The following TLK2 variants were observed in gnomAD, a reference collection of about 807,000 sequenced individuals.
The protein encoded by TLK2 is tousled like kinase 2, also known as serine/threonine-protein kinase tousled-like 2.
In TLK2, 6 loss-of-function variants were observed where a neutral mutation model predicts 117.3. That is an observed-to-expected ratio of 0.05 (90% CI 0.03 to 0.10). TLK2 has a LOEUF of 0.10. Among genes scored for constraint, TLK2 ranks in the 10% least tolerant of loss-of-function variants. The pLI, the probability that TLK2 is intolerant of heterozygous loss-of-function variation, is 1.00. For synonymous variants in TLK2, 257 were observed against 316.7 expected, an observed-to-expected ratio of 0.81 and a Z score of 2.00; for missense variants, 299 against 901.2, an observed-to-expected ratio of 0.33 and a Z score of 8.56.
intron 15 of TLK2, among the ~76,000 whole-genome samples, chr17:62,582,213 T>C (rs1162741024): frequency 1.3e-5 from 2 of 152,150 alleles, no homozygotes; most frequent in Non-Finnish European, 2.9e-5. Context: ...TTTTGGTAAT[T>C]TAATTTTTCT....
At chr17:62,482,350 G>T (rs1299880981) in intron 2 of TLK2, among the ~76,000 whole-genome samples, 1 of 126,954 alleles carries the variant, frequency 7.9e-6, no homozygotes, top group East Asian at 2.3e-4. Context: ...GCTTTAGTTA[G>T]TAGCTTCTCC....
chr17:62,514,823 C>T (rs759684374), intron 2 of TLK2, among the ~76,000 whole-genome samples: 15 of 152,146 alleles, frequency 9.9e-5, no homozygotes, highest in Non-Finnish European at 1.9e-4. Flanking sequence ...ACGTGATCCA[C>T]CTGCCTCAGC....
intron 2 of TLK2, among the ~76,000 whole-genome samples, chr17:62,489,169 T>TCG (rs1156596966): frequency 1.9e-5 from 2 of 105,510 alleles, no homozygotes. Flanking sequence ...CTGTATTTAA[T>TCG]TGTACGTGTG....
chr17:62,566,504 T>A (rs906967692), intron 11 of TLK2, among the ~76,000 whole-genome samples: 1 of 152,198 alleles, frequency 6.6e-6, no homozygotes, highest in Non-Finnish European at 1.5e-5. Flanking sequence ...TTTTGGTGTG[T>A]GAAGAGGCTT....
chr17:62,481,354 G>C, intron 2 of TLK2, 148 bp downstream of exon 2: 1 of 757,744 alleles, frequency 1.3e-6, no homozygotes, highest in Non-Finnish European at 2.2e-6. Context: ...AGATCCTACT[G>C]GTCATTCCAG....
At chr17:62,487,362 GC>G (rs1304911383) in intron 2 of TLK2, among the ~76,000 whole-genome samples, 1 of 150,718 alleles carries the variant, frequency 6.6e-6, no homozygotes, top group East Asian at 2.0e-4. Flanking sequence ...TAAGTTAACC[GC>G]CCTAGAAAGA....
intron 2 of TLK2, among the ~76,000 whole-genome samples, chr17:62,501,392 A>G (rs1216714259): frequency 1.3e-5 from 2 of 152,116 alleles, no homozygotes; most frequent in Non-Finnish European, 2.9e-5. Flanking sequence ...CTTAATAGAA[A>G]GAGAAATCTA....
intron 19 of TLK2, 164 bp from the exon 20 acceptor site, chr17:62,605,966 C>T (rs2083264311): frequency 3.0e-6 from 1 of 331,282 alleles, no homozygotes; most frequent in East Asian, 4.8e-5. Flanking sequence ...ATGATCACGC[C>T]ACTGTACTCA....
intron 15 of TLK2, among the ~76,000 whole-genome samples, chr17:62,581,420 G>A (rs2081211123): frequency 6.7e-6 from 1 of 150,068 alleles, no homozygotes; most frequent in African/African-American, 2.5e-5. Context: ...TACTCTACTG[G>A]TTTTGATATT....
At chr17:62,595,112 C>A (rs993505108) in intron 16 of TLK2, among the ~76,000 whole-genome samples, 6 of 152,016 alleles carry the variant, frequency 3.9e-5, no homozygotes, top group African/African-American at 1.4e-4. Context: ...CAGGTGGCCA[C>A]CACCACGGCC....
At chr17:62,586,055 T>C (rs999592673) in intron 15 of TLK2, 80 bp from the exon 16 acceptor site, 15 of 1,035,590 alleles carry the variant, frequency 1.4e-5, no homozygotes, top group Non-Finnish European at 1.9e-5. Context: ...GATTATGTTA[T>C]ATGTTAAATT....
At chr17:62,572,190 A>G (rs1229381086) in intron 11 of TLK2, among the ~76,000 whole-genome samples, 2 of 152,050 alleles carry the variant, frequency 1.3e-5, no homozygotes, top group Non-Finnish European at 2.9e-5. Context: ...AAAAAAAAAA[A>G]AAAAGATTTA....
intron 2 of TLK2, among the ~76,000 whole-genome samples, chr17:62,491,757 T>G (rs1046056704): frequency 3.9e-5 from 6 of 152,162 alleles, no homozygotes; most frequent in Non-Finnish European, 7.3e-5. Context: ...TGCTAATTTT[T>G]GTATTTTTAG....
chr17:62,538,480 G>A (rs568871929), intron 7 of TLK2, among the ~76,000 whole-genome samples: 9 of 152,242 alleles, frequency 5.9e-5, no homozygotes, highest in East Asian at 1.9e-4. Flanking sequence ...CCACAAATAC[G>A]TACTGAGTGC....
At chr17:62,487,781 G>T (rs191371761) in intron 2 of TLK2, among the ~76,000 whole-genome samples, 2 of 150,602 alleles carry the variant, frequency 1.3e-5, no homozygotes, top group Non-Finnish European at 3.0e-5. Context: ...GCGCCAACAC[G>T]CCCGGCTAAT....
intron 16 of TLK2, among the ~76,000 whole-genome samples, chr17:62,593,952 CCTG>C (rs1282030382): frequency 2.0e-5 from 3 of 151,704 alleles, no homozygotes; most frequent in Non-Finnish European, 4.4e-5. Flanking sequence ...ACCACCGCTC[CCTG>C]CTGCTTTTTG....
At position 62,579,650 on chromosome 17, in the gene TLK2, T is replaced by C. The variant is rs143963626; in HGVS notation, c.1287-461T>C. On this transcript the variant is annotated intron_variant, in intron 14 of 21. Transcript: ENST00000346027. ...TCTGTCTTAAAGAGAGAATAATGAA[T>C]GCACATAGAACATGTGACTCACTTT... 8.3e-4 allele frequency among the ~76,000 whole-genome samples: 127 copies of C among 152,332 alleles called. 1 individual carries two copies. Among genetic ancestry groups the C allele is most frequent in the African/African-American group, 3.0e-3 (123 of 41,582 alleles).
intron 19 of TLK2, 111 bp from the exon 20 acceptor site, chr17:62,606,006 CAAAAAAAAAAAAA>C: frequency 1.5e-5 from 2 of 132,306 alleles, no homozygotes; most frequent in Non-Finnish European, 2.7e-5. Context: ...ACCCTGTCTC[CAAAAAAAAAAAAA>C]AAAAAAACGA....
intron 2 of TLK2, among the ~76,000 whole-genome samples, chr17:62,488,722 T>C (rs745688190): frequency 6.6e-6 from 1 of 152,180 alleles, no homozygotes; most frequent in African/African-American, 2.4e-5. Context: ...TCTGTTCTTT[T>C]ATTGGTTACC....
Sources: gnomAD v4.1 joint callset for allele counts (sites outside exome capture counted in the v4.1 genomes callset) on GRCh38, gnomAD v4.1.1 for gene constraint, MANE v1.5 for transcripts, NCBI Gene and HGNC (gene_info 2026-07-23, HGNC 2026-07-21) for gene names.